The following SLC39A9 variants were observed in gnomAD, a reference collection of about 807,000 sequenced individuals.
SLC39A9 encodes solute carrier family 39 member 9.
A neutral mutation model predicts 28.4 loss-of-function variants in SLC39A9; 14 were observed. The observed-to-expected ratio is 0.49, with a 90% CI of 0.33 to 0.77. The LOEUF (loss-of-function observed/expected upper bound fraction) is 0.77. Ranked by LOEUF, SLC39A9 falls within the 30% of genes least tolerant of loss-of-function variation. The pLI is 0.02. For missense variants in SLC39A9, 283 were observed against 381.1 expected (o/e 0.74, Z 2.14); for synonymous variants, 119 against 149.6 (o/e 0.80, Z 1.49).
At chr14:69,402,446 AAGTC>A (rs1882690882) in intron 1 of SLC39A9, among the ~76,000 whole-genome samples, 1 of 152,130 alleles carries the variant, frequency 6.6e-6, no homozygotes, top group Non-Finnish European at 1.5e-5. Flanking sequence ...ACAGGAATAA[AAGTC>A]AGATGATCAA....
chr14:69,449,975 CAG>C (rs1477386011), intron 3 of SLC39A9, among the ~76,000 whole-genome samples: 2 of 151,894 alleles, frequency 1.3e-5, no homozygotes, highest in African/African-American at 4.8e-5. Flanking sequence ...ATCATGAGGT[CAG>C]GGGTTCGAGA....
chr14:69,412,063 G>A (rs144808732), intron 1 of SLC39A9, among the ~76,000 whole-genome samples: 5,367 of 151,866 alleles, frequency 0.035, 150 homozygotes, highest in Non-Finnish European at 0.054. Context: ...TTACAGGCAT[G>A]AGCAACCGCA....
In SLC39A9 at chr14:69,459,604, A is replaced by G. The variant is rs1475946363; in HGVS notation, c.*1011A>G. 2 of 974,250 alleles carry G rather than the reference A, an allele frequency of 2.1e-6. No homozygotes were observed. Among genetic ancestry groups the G allele is most frequent in the Non-Finnish European group, 2.4e-6 (2 of 822,522 alleles). The allele number at this position is 974,250 out of a possible 1,614,324, so 60.4% of individuals were successfully genotyped here. ...CTCTTAGCAGATCAGCAATCCCTCT[A>G]GGGACCTAAATACTAGGTCAGCTTT... is the stretch of plus-strand genomic sequence containing the variant. On this transcript the variant is annotated 3_prime_UTR_variant, in exon 7 of 7. Coordinates refer to ENST00000336643, the MANE Select transcript of SLC39A9 (RefSeq NM_018375.5).
rs1882481881 is a variant in SLC39A9 at position 69,399,197 on chromosome 14, C to T, written c.-173C>T. The T allele has an allele frequency of 1.6e-6, 1 of 620,896 alleles. No individual in the cohort carries two copies. The allele number at this position is 620,896 out of a possible 1,614,324, so 38.5% of individuals were successfully genotyped here. A position where few individuals can be genotyped will look rare whatever the true frequency, so the allele number is the denominator to read the frequency against. On this transcript the variant is annotated 5_prime_UTR_variant, in exon 1 of 7. Coordinates refer to ENST00000336643, the MANE Select transcript of SLC39A9 (RefSeq NM_018375.5). ...AATATCAGCAAAAAGGGTCTGTTGC[C>T]GGGTACGTTCAAGAGGAAGGTGCCT...
chr14:69,418,594 A>C (rs540015130), intron 1 of SLC39A9, among the ~76,000 whole-genome samples: 11 of 152,120 alleles, frequency 7.2e-5, no homozygotes, highest in African/African-American at 2.4e-4. Flanking sequence ...TCAGCTGTGA[A>C]TCTGTACCTC....
At chr14:69,413,244 TACTC>T (rs1883374976) in intron 1 of SLC39A9, among the ~76,000 whole-genome samples, 4 of 152,044 alleles carry the variant, frequency 2.6e-5, no homozygotes, top group Admixed American at 2.0e-4. Context: ...TAGTCCCAGC[TACTC>T]GGGAGGCTGA....
In SLC39A9 at chr14:69,455,816, G is replaced by C; in HGVS notation, c.643G>C (p.Ala215Pro). 1.2e-6 allele frequency: 2 copies of C among 1,614,196 alleles called. No individual in the cohort carries two copies. The highest frequency in any genetic ancestry group is 1.7e-6 in the Non-Finnish European group (2 of 1,180,024). The change falls in exon 6 of 7, where the codon GCA (alanine) becomes CCA (proline). Residue 215 changes from alanine to proline, a missense_variant. Ala to Pro is a conservative substitution (Grantham distance 27). Coordinates refer to ENST00000336643, the MANE Select transcript of SLC39A9 (RefSeq NM_018375.5). ...NRIRKHLLVF[A>P]LAAPVMSMVT... ...AATCAGAAAGCACTTGCTGGTCTTT[G>C]CATTGGCAGCACCAGTTATGTCCAT...
intron 1 of SLC39A9, among the ~76,000 whole-genome samples, chr14:69,413,157 C>T (rs976744192): frequency 1.3e-5 from 2 of 152,076 alleles, no homozygotes; most frequent in African/African-American, 2.4e-5. Context: ...GAGATCGAGA[C>T]CATCCTGGCT....
intron 2 of SLC39A9, 30 bp downstream of exon 2, chr14:69,424,232 A>T: frequency 6.6e-7 from 1 of 1,521,440 alleles, no homozygotes; most frequent in African/African-American, 1.4e-5. Context: ...TATTTGAGAT[A>T]TGTTATTGAC....
In SLC39A9 at chr14:69,409,269, C is replaced by T. The variant is rs780596839; in HGVS notation, c.96+9804C>T. On this transcript the variant is annotated intron_variant, in intron 1 of 6. Coordinates refer to ENST00000336643, the MANE Select transcript of SLC39A9 (RefSeq NM_018375.5). ...ATGGTTGATATGTACCATTTACATT[C>T]TCCCTTTTATAACCTGGTAGTATAT... is the stretch of plus-strand genomic sequence containing the variant. Among the ~76,000 whole-genome samples, 4 of 152,114 alleles carry T rather than the reference C, an allele frequency of 2.6e-5. No individual in the cohort carries two copies. The South Asian group carries it at 8.3e-4, about 31-fold the overall frequency.
chr14:69,409,476 C>T lies in SLC39A9; in HGVS notation c.96+10011C>T, dbSNP rs143156324. 2.8e-3 allele frequency among the ~76,000 whole-genome samples: 427 copies of T among 152,170 alleles called. 3 individuals are homozygous for T. Among genetic ancestry groups the T allele is most frequent in the Non-Finnish European group, 5.0e-3 (338 of 68,006 alleles). On this transcript the variant is annotated intron_variant, in intron 1 of 6. Coordinates refer to ENST00000336643, the MANE Select transcript of SLC39A9 (RefSeq NM_018375.5). ...ACCTCAACCTCCCTAGTAGGTGGGA[C>T]TCAGGCATGTGCCACCAGGCCCAGC...
intron 1 of SLC39A9, among the ~76,000 whole-genome samples, chr14:69,405,261 GT>G (rs1882852815): frequency 6.6e-6 from 1 of 152,168 alleles, no homozygotes; most frequent in South Asian, 2.1e-4. Flanking sequence ...AGGGGTTTGA[GT>G]TACCCGCAAA....
At chr14:69,437,707 G>A (rs1686496846) in intron 2 of SLC39A9, among the ~76,000 whole-genome samples, 2 of 151,138 alleles carry the variant, frequency 1.3e-5, no homozygotes, top group Non-Finnish European at 2.9e-5. Flanking sequence ...CTCTGCCTCA[G>A]CCTCCCAAGT....
At chr14:69,450,825 C>T (rs1365291288) in intron 3 of SLC39A9, among the ~76,000 whole-genome samples, 1 of 152,130 alleles carries the variant, frequency 6.6e-6, no homozygotes, top group East Asian at 1.9e-4. Context: ...TAATCCTATA[C>T]AGAGAGTTAA....
chr14:69,446,475 C>CA (rs991575775), intron 3 of SLC39A9, among the ~76,000 whole-genome samples: 21 of 151,696 alleles, frequency 1.4e-4, no homozygotes, highest in African/African-American at 5.1e-4. Flanking sequence ...GGGAGCATGT[C>CA]ATAGGATATA....
intron 2 of SLC39A9, among the ~76,000 whole-genome samples, chr14:69,436,063 A>G (rs1380007633): frequency 6.6e-6 from 1 of 152,000 alleles, no homozygotes; most frequent in African/African-American, 2.4e-5. Flanking sequence ...GTTTCTTTTT[A>G]TAAGTGTCTG....
chr14:69,439,397 C>G (rs1376095718), intron 2 of SLC39A9, among the ~76,000 whole-genome samples: 1 of 151,788 alleles, frequency 6.6e-6, no homozygotes, highest in Non-Finnish European at 1.5e-5. Context: ...TAAATTTAAC[C>G]AAGGAGGTAA....
intron 2 of SLC39A9, among the ~76,000 whole-genome samples, chr14:69,426,241 C>T (rs1225935885): frequency 6.6e-6 from 1 of 152,168 alleles, no homozygotes; most frequent in Non-Finnish European, 1.5e-5. Context: ...CTCCTTCACC[C>T]ATCACCAGTC....
At chr14:69,449,658 G>A (rs528911333) in intron 3 of SLC39A9, among the ~76,000 whole-genome samples, 1 of 152,206 alleles carries the variant, frequency 6.6e-6, no homozygotes, top group Admixed American at 6.5e-5. Flanking sequence ...AACAAGGATG[G>A]TCGAATTTCA....
Sources: gnomAD v4.1 joint callset for allele counts (sites outside exome capture counted in the v4.1 genomes callset) on GRCh38, gnomAD v4.1.1 for gene constraint, MANE v1.5 for transcripts, NCBI Gene and HGNC (gene_info 2026-07-23, HGNC 2026-07-21) for gene names.